PARP16: variants seen among roughly 807,000 people sequenced by gnomAD.
The protein encoded by PARP16 is poly(ADP-ribose) polymerase family member 16.
Under a neutral mutation model 35.0 loss-of-function variants are expected in PARP16, and 31 were observed. The observed-to-expected ratio is 0.88, with a 90% confidence interval of 0.66 to 1.19. PARP16 has a LOEUF of 1.19. Among genes scored for constraint, PARP16 ranks in the 50% most tolerant of loss-of-function variants. The pLI is 0.00. For synonymous variants in PARP16, 162 were observed against 169.5 expected (o/e 0.96, Z 0.34); for missense variants, 424 against 411.2 (o/e 1.03, Z -0.27).
rs150880431 is a variant in PARP16 at position 65,239,203 on chromosome 15, G to A, written c.*98-4380C>T. 1.4e-3 allele frequency among the ~76,000 whole-genome samples: 218 copies of A among 151,768 alleles called. 1 individual carries two copies. The highest frequency in any genetic ancestry group is 4.4e-3 in the African/African-American group (180 of 41,374). On this transcript the variant is annotated intron_variant and NMD_transcript_variant, in intron 3 of 3. Transcript: ENST00000559805. ...AGCACTTTGGAAGGCTGAGGTGGGC[G>A]GATCACGAGGTCAAGAGATCGAGAC...
chr15:65,269,289 C>T (rs937886294), intron 2 of PARP16, among the ~76,000 whole-genome samples: 2 of 151,832 alleles, frequency 1.3e-5, no homozygotes, highest in South Asian at 2.1e-4. Flanking sequence ...TTCCGCCTCC[C>T]GGCTTCAAGC....
At chr15:65,262,552 G>A (rs2089768640) in intron 4 of PARP16, among the ~76,000 whole-genome samples, 1 of 152,148 alleles carries the variant, frequency 6.6e-6, no homozygotes, top group African/African-American at 2.4e-5. Flanking sequence ...GTAGGGGAGT[G>A]GGATGAGGTA....
intron 2 of PARP16, among the ~76,000 whole-genome samples, chr15:65,250,986 C>G (rs951769537): frequency 7.9e-5 from 12 of 152,150 alleles, no homozygotes; most frequent in African/African-American, 2.9e-4. Flanking sequence ...CAGGTCCAAG[C>G]GATTCTCGTG....
At chr15:65,231,513 G>C (rs767342668), downstream of PARP16, among the ~76,000 whole-genome samples, 2 of 149,704 alleles carry the variant, frequency 1.3e-5, no homozygotes, top group East Asian at 3.9e-4. Context: ...GCAGGGTCAC[G>C]ATCTTGGCTC....
intron 1 of PARP16, among the ~76,000 whole-genome samples, chr15:65,274,099 T>C (rs139478419): frequency 1.7e-4 from 25 of 145,904 alleles, no homozygotes; most frequent in African/African-American, 6.0e-4. Context: ...CATGCCGCCA[T>C]GCCCAGCTAA....
downstream of PARP16, among the ~76,000 whole-genome samples, chr15:65,257,306 A>C (rs986872550): frequency 6.6e-6 from 1 of 152,068 alleles, no homozygotes; most frequent in African/African-American, 2.4e-5. Context: ...AATCCCAGCT[A>C]CTCAGGAGGC....
At position 65,274,905 on chromosome 15, in the gene PARP16, C is replaced by A. The variant is rs1314939306; in HGVS notation, c.175-3833G>T. On this transcript the variant is annotated intron_variant, in intron 1 of 5. Transcript: ENST00000649807. Reference sequence around the variant, plus strand: ...CCGAGGCAGGCGGATCACCTGAGCTCAGGAGTTCAAGATCAGCCTGGCCAA... The same window carrying A: ...CCGAGGCAGGCGGATCACCTGAGCTAAGGAGTTCAAGATCAGCCTGGCCAA... Among the ~76,000 whole-genome samples the A allele has an allele frequency of 2.0e-5, 3 of 152,120 alleles. No individual in the cohort carries two copies. The East Asian group carries it at 5.8e-4, about 29-fold the overall frequency.
chr15:65,282,095 T>C (rs1372857271), intron 1 of PARP16, among the ~76,000 whole-genome samples: 7 of 152,178 alleles, frequency 4.6e-5, no homozygotes, highest in African/African-American at 1.2e-4. Flanking sequence ...CACTACAGCC[T>C]TGACCTCCTG....
downstream of PARP16, among the ~76,000 whole-genome samples, chr15:65,257,834 T>C (rs939471390): frequency 1.3e-5 from 2 of 152,170 alleles, no homozygotes; most frequent in African/African-American, 4.8e-5. Flanking sequence ...TCTGCCCACC[T>C]TGCAGGCTGT....
chr15:65,233,257 C>CA (rs1017925469), downstream of PARP16, among the ~76,000 whole-genome samples: 2 of 151,946 alleles, frequency 1.3e-5, no homozygotes, highest in African/African-American at 2.4e-5. Context: ...ACTAAAAATA[C>CA]AAAAAAATTA....
At chr15:65,281,871 A>G (rs904887662) in intron 1 of PARP16, among the ~76,000 whole-genome samples, 1 of 152,196 alleles carries the variant, frequency 6.6e-6, no homozygotes, top group Non-Finnish European at 1.5e-5. Flanking sequence ...AAAGTAATTT[A>G]AGGCACAGGT....
intron 1 of PARP16, 124 bp downstream of exon 1, chr15:65,286,129 G>T: frequency 1.3e-6 from 1 of 785,834 alleles, no homozygotes; most frequent in Non-Finnish European, 1.9e-6. Context: ...GCAAGACCAA[G>T]CTGGGAATGG....
chr15:65,263,333 G>T lies in PARP16; in HGVS notation c.520-13C>A. The T allele has an allele frequency of 6.4e-7, 1 of 1,556,244 alleles. No homozygotes were observed. Among genetic ancestry groups the T allele is most frequent in the South Asian group, 1.2e-5 (1 of 82,632 alleles). On this transcript the variant is annotated splice_polypyrimidine_tract_variant and intron_variant, in intron 3 of 5. Transcript: ENST00000649807. ...CGAACAAGGATGTCTGCAACAGCAA[G>T]GCCAATGGAAAAGAAACACAGATGG...
At chr15:65,240,320 G>GA (rs1375323333) in intron 3 of PARP16, among the ~76,000 whole-genome samples, 1 of 115,004 alleles carries the variant, frequency 8.7e-6, no homozygotes, top group African/African-American at 3.2e-5. Flanking sequence ...GGTGGGGGGG[G>GA]CTAGTGTGTG....
chr15:65,255,758 A>AG (rs1317264899), downstream of PARP16, among the ~76,000 whole-genome samples: 12 of 151,244 alleles, frequency 7.9e-5, no homozygotes, highest in African/African-American at 2.9e-4. Flanking sequence ...AAAAAAAAAA[A>AG]AAAGAAAAAA....
exon 3 of PARP16, chr15:65,248,155 T>A (rs1832097303): frequency 2.2e-6 from 1 of 456,374 alleles, no homozygotes; most frequent in Non-Finnish European, 4.4e-6. Context: ...GAGGCCCTTG[T>A]CCTGGGCCCA....
At position 65,286,275 on chromosome 15, in the gene PARP16, T is replaced by G. The variant is rs536297062; in HGVS notation, c.152A>C (p.Asp51Ala). Residue 51 changes from aspartate (D) to alanine (A), a missense_variant, in exon 1 of 6, where the codon GAC (aspartate) becomes GCC (alanine). Coordinates refer to ENST00000649807, the MANE Select transcript of PARP16 (RefSeq NM_001316943.2). ...RPFPASYARG[D>A]CKDFEALLAD... ...CACCAGGGCTTCAAAGTCCTTACAG[T>G]CGCCGCGGGCGTAGGACGCGGGGAA... The G allele has an allele frequency of 8.2e-6, 13 of 1,591,512 alleles. No individual in the cohort carries two copies. In the Admixed American group the frequency reaches 2.1e-4, roughly 26 times the overall value.
intron 2 of PARP16, among the ~76,000 whole-genome samples, chr15:65,269,189 T>TC (rs60875193): frequency 7.5e-5 from 11 of 147,560 alleles, no homozygotes; most frequent in African/African-American, 2.4e-4. Context: ...TCTTTCTTTC[T>TC]TTCTTTCTTT....
chr15:65,271,407 G>C (rs1470427260), intron 1 of PARP16, among the ~76,000 whole-genome samples: 1 of 152,052 alleles, frequency 6.6e-6, no homozygotes, highest in African/African-American at 2.4e-5. Flanking sequence ...CCGAGTAGCT[G>C]GGACTACAAG....
Sources: gnomAD v4.1 joint callset for allele counts (sites outside exome capture counted in the v4.1 genomes callset) on GRCh38, gnomAD v4.1.1 for gene constraint, MANE v1.5 for transcripts, NCBI Gene and HGNC (gene_info 2026-07-23, HGNC 2026-07-21) for gene names.